The following DUSP14 variants were observed in gnomAD, a reference collection of about 807,000 sequenced individuals.
The protein encoded by DUSP14 is dual specificity protein phosphatase 14.
A neutral mutation model predicts 13.2 loss-of-function variants in DUSP14; 5 were observed. The observed-to-expected ratio is 0.38, with a 90% CI of 0.20 to 0.80. The LOEUF (loss-of-function observed/expected upper bound fraction) is 0.80, where lower values mean the gene tolerates loss of function less well. DUSP14 is among the 30% of genes least tolerant of loss of function. The pLI is 0.44. For missense variants in DUSP14, 185 were observed against 264.0 expected, an observed-to-expected ratio of 0.70 and a Z score of 2.07; for synonymous variants, 91 against 103.4, an observed-to-expected ratio of 0.88 and a Z score of 0.73.
intron 1 of DUSP14, among the ~76,000 whole-genome samples, chr17:37,500,615 T>C (rs2054098410): frequency 6.6e-6 from 1 of 152,360 alleles, no homozygotes; most frequent in South Asian, 2.1e-4. Flanking sequence ...CTAGATGTTC[T>C]GAGTTACATA....
intron 1 of DUSP14, among the ~76,000 whole-genome samples, chr17:37,495,690 T>C (rs1311985024): frequency 6.7e-6 from 1 of 149,706 alleles, no homozygotes; most frequent in African/African-American, 2.5e-5. Flanking sequence ...AGACGGAGTC[T>C]TGCTCCATCA....
At chr17:37,494,119 T>G (rs2054048019) in intron 1 of DUSP14, among the ~76,000 whole-genome samples, 1 of 151,510 alleles carries the variant, frequency 6.6e-6, no homozygotes, top group African/African-American at 2.4e-5. Context: ...TCAGCCTCCC[T>G]AGTAGCTGGG....
chr17:37,492,713 A>C (rs2054036910), intron 1 of DUSP14, among the ~76,000 whole-genome samples: 1 of 152,182 alleles, frequency 6.6e-6, no homozygotes, highest in South Asian at 2.1e-4. Flanking sequence ...AATTATGTAA[A>C]AAAGTGTCTA....
chr17:37,494,864 C>A (rs760857070), intron 1 of DUSP14, among the ~76,000 whole-genome samples: 3 of 152,148 alleles, frequency 2.0e-5, no homozygotes, highest in East Asian at 1.9e-4. Context: ...CTTTTTATTT[C>A]TTCTCTAAAG....
intron 1 of DUSP14, among the ~76,000 whole-genome samples, chr17:37,502,401 C>T (rs1181481568): frequency 1.4e-5 from 2 of 146,238 alleles, no homozygotes; most frequent in African/African-American, 5.1e-5. Flanking sequence ...TTCAGTTGGT[C>T]TTGAACTCCT....
At chr17:37,492,058 G>A (rs2054031925) in intron 1 of DUSP14, among the ~76,000 whole-genome samples, 1 of 152,120 alleles carries the variant, frequency 6.6e-6, no homozygotes, top group African/African-American at 2.4e-5. Context: ...TAAAGATTTG[G>A]CTTCTGTCAA....
At chr17:37,503,954 G>A (rs1475450632) in intron 1 of DUSP14, among the ~76,000 whole-genome samples, 2 of 152,174 alleles carry the variant, frequency 1.3e-5, no homozygotes, top group Admixed American at 6.5e-5. Flanking sequence ...AGCACTTTGA[G>A]AGGCCAAGGT....
At chr17:37,511,937 A>AGTTTGTTTTTTTTTTTTTTTTT (rs1329764853) in intron 2 of DUSP14, among the ~76,000 whole-genome samples, 1 of 16,442 alleles carries the variant, frequency 6.1e-5, no homozygotes, top group African/African-American at 2.1e-4. Context: ...CCCCCACCCC[A>AGTTTGTTTTTTTTTTTTTTTTT]CTTTTTTTTT....
At chr17:37,503,591 A>G (rs1189565267) in intron 1 of DUSP14, among the ~76,000 whole-genome samples, 1 of 152,240 alleles carries the variant, frequency 6.6e-6, no homozygotes, top group African/African-American at 2.4e-5. Flanking sequence ...AATGAGTGGT[A>G]GGTAATTTAA....
chr17:37,497,479 A>AG (rs1374162668), intron 1 of DUSP14, among the ~76,000 whole-genome samples: 1 of 151,968 alleles, frequency 6.6e-6, no homozygotes, highest in East Asian at 1.9e-4. Flanking sequence ...AAGGACATAG[A>AG]GGCCTGGTGT....
intron 1 of DUSP14, among the ~76,000 whole-genome samples, chr17:37,502,632 T>C (rs1201551272): frequency 6.6e-6 from 1 of 152,068 alleles, no homozygotes; most frequent in African/African-American, 2.4e-5. Context: ...CTGGGAGCTA[T>C]AATCATAATA....
chr17:37,500,084 C>T (rs565441743), intron 1 of DUSP14, among the ~76,000 whole-genome samples: 244 of 152,352 alleles, frequency 1.6e-3, no homozygotes, highest in African/African-American at 5.7e-3. Flanking sequence ...CCAGTTGCCT[C>T]CATCCCGCTG....
intron 1 of DUSP14, chr17:37,509,850 A>T (rs1221079293): frequency 2.0e-5 from 3 of 151,428 alleles, no homozygotes; most frequent in Non-Finnish European, 4.4e-5. Context: ...TCATCAGGTA[A>T]TGTACCTGAT....
chr17:37,491,071 A>C (rs865483), intron 1 of DUSP14, among the ~76,000 whole-genome samples: 109,989 of 152,074 alleles, frequency 0.72, 40,364 homozygotes, highest in East Asian at 0.97. Flanking sequence ...AAAGTTAAGT[A>C]ACACTGGACA....
At position 37,512,082 on chromosome 17, in the gene DUSP14, T is replaced by TA. The variant is rs34074882; in HGVS notation, c.-92-90dup. 7.4e-3 allele frequency: 4,137 copies of TA among 556,798 alleles called. 26 individuals carry two copies. Among genetic ancestry groups the TA allele is most frequent in the South Asian group, 0.03 (1,121 of 37,250 alleles). The allele number at this position is 556,798 out of a possible 1,614,324, so 34.5% of individuals were successfully genotyped here. ...CCTTGAAAGATTGTACTGTATTATT[T>TA]AAAAAAAAACCCTCTAATCTTCCCA... On this transcript the variant is annotated intron_variant, in intron 2 of 2. Coordinates refer to ENST00000617516, the MANE Select transcript of DUSP14 (RefSeq NM_007026.4). The surrounding 1 kb of genome is among the most constrained non-coding windows in gnomAD (Gnocchi z 4.8).
At chr17:37,491,635 T>C (rs2054029134) in intron 1 of DUSP14, 1 of 152,242 alleles carries the variant, frequency 6.6e-6, no homozygotes, top group Non-Finnish European at 1.5e-5. Flanking sequence ...CAGGTATGAA[T>C]TCTGTAATAA....
Position 37,511,585 on chromosome 17 carries a change from C to CTTTTTTTTTTT in DUSP14, c.-92-588_-92-578dup, listed in dbSNP as rs533256343. On this transcript the variant is annotated intron_variant, in intron 2 of 2. Transcript: ENST00000617516. Reference sequence around the variant, plus strand: ...CATGAGCTACCTCACCTGGCCTTTCCTTTTTTTTTTTTTTTTTTAGAAGCT... The same window carrying CTTTTTTTTTTT: ...CATGAGCTACCTCACCTGGCCTTTCCTTTTTTTTTTTTTTTTTTTTTTTTTTTTTAGAAGCT... Among the ~76,000 whole-genome samples, 249 of 87,296 alleles carry CTTTTTTTTTTT rather than the reference C, an allele frequency of 2.9e-3. 39 individuals carry two copies. Among genetic ancestry groups the CTTTTTTTTTTT allele is most frequent in the African/African-American group, 8.5e-3 (163 of 19,084 alleles). 57.3% of individuals were successfully genotyped at this position (87,296 alleles called of 152,430 possible).
chr17:37,490,251 C>T (rs2054018413), intron 1 of DUSP14, among the ~76,000 whole-genome samples: 1 of 152,002 alleles, frequency 6.6e-6, no homozygotes, highest in Non-Finnish European at 1.5e-5. Flanking sequence ...CGACCCTGTC[C>T]CTGTGCCCCG....
Position 37,490,156 on chromosome 17 carries a change from G to C in DUSP14, c.-181+198G>C, listed in dbSNP as rs529052192. Among the ~76,000 whole-genome samples the C allele has an allele frequency of 1.2e-3, 188 of 151,316 alleles. 1 individual carries two copies. Among genetic ancestry groups the C allele is most frequent in the African/African-American group, 4.3e-3 (179 of 41,332 alleles). On this transcript the variant is annotated intron_variant, in intron 1 of 2. Transcript: ENST00000617516. ...ACTCTTCGGGGCGGCCCGCGGAGGAGAGGCCCGAGACCTTCCGCAGCGCAC... is the reference window on the plus strand; with the variant it reads ...ACTCTTCGGGGCGGCCCGCGGAGGACAGGCCCGAGACCTTCCGCAGCGCAC...
Sources: gnomAD v4.1 joint callset for allele counts (sites outside exome capture counted in the v4.1 genomes callset) on GRCh38, gnomAD v4.1.1 for gene constraint, Gnocchi (gnomAD v3.1) non-coding constraint, MANE v1.5 for transcripts, NCBI Gene and HGNC (gene_info 2026-07-23, HGNC 2026-07-21) for gene names.